Variants in ESPNL observed in about 807,000 individuals in gnomAD.
ESPNL encodes the protein espin-like protein.
In ESPNL, 49 loss-of-function variants were observed where a neutral mutation model predicts 46.8. The observed-to-expected ratio is 1.05, with a 90% CI of 0.83 to 1.33. ESPNL has a LOEUF of 1.33. Ranked by LOEUF, ESPNL falls within the 40% of genes most tolerant of loss-of-function variation. ESPNL has a pLI of 0.00. For missense variants in ESPNL, 1,540 were observed against 1,436.6 expected, an observed-to-expected ratio of 1.07 and a Z score of -1.16; for synonymous variants, 664 against 662.1, an observed-to-expected ratio of 1.00 and a Z score of -0.04.
Position 238,125,364 on chromosome 2 carries a change from CAGGGCCAGG to C in ESPNL, c.1083_1091del (p.Gly362_Gly364del). ...CTGGAGGATGGAAGAAGAGGAGGCC[CAGGGCCAGG>C]GAACCCCAGCCGTGAGTGCACAGCC... On this transcript the variant is annotated inframe_deletion, in exon 6 of 9. Transcript: ENST00000343063. 3 of 1,564,456 alleles carry C rather than the reference CAGGGCCAGG, an allele frequency of 1.9e-6. No individual in the cohort carries two copies. The highest frequency in any genetic ancestry group is 2.6e-6 in the Non-Finnish European group (3 of 1,155,342).
At chr2:238,109,124 T>C (rs7583208) in intron 4 of ESPNL, among the ~76,000 whole-genome samples, 60,527 of 152,074 alleles carry the variant, frequency 0.4, 14,439 homozygotes, top group East Asian at 0.67. Context: ...GGCATGTCCC[T>C]GACAGGTGGC....
chr2:238,113,223 T>C (rs1330313884), intron 4 of ESPNL, among the ~76,000 whole-genome samples: 1 of 152,258 alleles, frequency 6.6e-6, no homozygotes. Context: ...ATACTTTGCT[T>C]TCGGCCTTCT....
At chr2:238,129,584 T>C (rs1262293019) in intron 8 of ESPNL, among the ~76,000 whole-genome samples, 1 of 152,170 alleles carries the variant, frequency 6.6e-6, no homozygotes, top group Admixed American at 6.5e-5. Flanking sequence ...GTGATGTGCC[T>C]TGGATTTTAA....
At position 238,130,444 on chromosome 2, in the gene ESPNL, C is replaced by A. The variant is rs372170956; in HGVS notation, c.1730C>A (p.Ala577Glu). ...CCAGCGGCTGAGCCCGCAGGGTCTGCGGAGGCCTCAGAGGTGGCCCCCGGG... is the reference window on the plus strand; with the variant it reads ...CCAGCGGCTGAGCCCGCAGGGTCTGAGGAGGCCTCAGAGGTGGCCCCCGGG... ...SIPAAEPAGS[A>E]EASEVAPGVQ... The change falls in exon 9 of 9, where the codon GCG (alanine) becomes GAG (glutamate). Residue 577 changes from alanine to glutamate, a missense_variant. Coordinates refer to ENST00000343063, the MANE Select transcript of ESPNL (RefSeq NM_194312.4). 53 of 1,604,820 alleles carry A rather than the reference C, an allele frequency of 3.3e-5. No individual in the cohort carries two copies. The African/African-American group carries it at 5.7e-4, about 17-fold the overall frequency.
intron 4 of ESPNL, 78 bp downstream of exon 4, chr2:238,108,051 A>G (rs1691637629): frequency 3.7e-6 from 5 of 1,362,556 alleles, no homozygotes; most frequent in Non-Finnish European, 4.0e-6. Context: ...TGACCCTCAC[A>G]GCAACCCTGT....
chr2:238,119,436 G>GC lies in ESPNL; in HGVS notation c.987+2402_987+2403insC, dbSNP rs1559263985. Among the ~76,000 whole-genome samples, 12 of 141,284 alleles carry GC rather than the reference G, an allele frequency of 8.5e-5. 1 individual carries two copies. The highest frequency in any genetic ancestry group is 1.1e-4 in the African/African-American group (4 of 36,302). The allele number at this position is 141,284 out of a possible 152,430, so 92.7% of individuals were successfully genotyped here. ...GATGGAGGAGGGTAGATGGAGGAGG[G>GC]GAGGTGGAGGAGAGGAGGTTAGATG... On this transcript the variant is annotated intron_variant, in intron 5 of 8. Coordinates refer to ENST00000343063, the MANE Select transcript of ESPNL (RefSeq NM_194312.4).
rs530807076 is a variant in ESPNL at position 238,123,754 on chromosome 2, C to T, written c.988-1516C>T. On this transcript the variant is annotated intron_variant, in intron 5 of 8. Transcript: ENST00000343063. Reference sequence around the variant, plus strand: ...GAGGGCCTCCGGGGCTGGGGCTGGGCGGTTGCTCCCCAGCCCACCGCGCAC... The same window carrying T: ...GAGGGCCTCCGGGGCTGGGGCTGGGTGGTTGCTCCCCAGCCCACCGCGCAC... 1.2e-4 allele frequency among the ~76,000 whole-genome samples: 19 copies of T among 152,324 alleles called. No homozygotes were observed. The South Asian group carries it at 2.9e-3, about 23-fold the overall frequency.
At chr2:238,126,573 G>A (rs111072236) in intron 6 of ESPNL, among the ~76,000 whole-genome samples, 2 of 144,894 alleles carry the variant, frequency 1.4e-5, no homozygotes, top group East Asian at 4.2e-4. Flanking sequence ...GTGTTTGTGT[G>A]TGTCTGTGAT....
Position 238,128,731 on chromosome 2 carries a change from G to T in ESPNL, c.1240G>T (p.Asp414Tyr). 1.9e-6 allele frequency: 3 copies of T among 1,602,170 alleles called. No individual in the cohort carries two copies. The highest frequency in any genetic ancestry group is 2.6e-6 in the Non-Finnish European group (3 of 1,175,288). Reference protein sequence around the residue: ...PEGTETALAGDTSDGLAALQL... With the variant: ...PEGTETALAGYTSDGLAALQL... ...GGGGACAGAGACGGCGCTGGCGGGG[G>T]ACACCTCAGATGGCCTGGCCGCACT... Residue 414 changes from aspartate to tyrosine, a missense_variant, in exon 8 of 9, where the codon GAC becomes TAC. Physicochemically the swap from Asp to Tyr is radical, Grantham distance 160 (BLOSUM62 -3). Transcript: ENST00000343063.
rs1357483636 is a variant in ESPNL, at chr2:238,130,234, T to C, written c.1520T>C (p.Leu507Pro). The C allele has an allele frequency of 1.5e-5, 24 of 1,611,176 alleles. No individual in the cohort carries two copies. Among genetic ancestry groups the C allele is most frequent in the Admixed American group, 5.0e-5 (3 of 59,706 alleles). ...PFGELLTEDD[L>P]VYLEKQIADL... ...GGGGAGCTGCTGACAGAGGATGACCTGGTCTACCTGGAGAAGCAGATTGCA... is the reference window on the plus strand; with the variant it reads ...GGGGAGCTGCTGACAGAGGATGACCCGGTCTACCTGGAGAAGCAGATTGCA... Residue 507 changes from leucine (L) to proline (P), a missense_variant, in exon 9 of 9, where the codon CTG (leucine) becomes CCG (proline). Physicochemically the swap from Leu to Pro is moderately conservative, Grantham distance 98 (BLOSUM62 -3). Coordinates refer to ENST00000343063, the MANE Select transcript of ESPNL (RefSeq NM_194312.4).
At chr2:238,127,225 G>A (rs12471150) in intron 6 of ESPNL, among the ~76,000 whole-genome samples, 3 of 152,226 alleles carry the variant, frequency 2.0e-5, no homozygotes, top group Admixed American at 1.3e-4. Flanking sequence ...TGATGCAGAC[G>A]TGTTCTTCAC....
intron 5 of ESPNL, among the ~76,000 whole-genome samples, chr2:238,124,395 C>T (rs1365336005): frequency 6.6e-6 from 1 of 152,200 alleles, no homozygotes; most frequent in African/African-American, 2.4e-5. Flanking sequence ...ATTGGGGACC[C>T]CATCCTAGTC....
chr2:238,108,040 C>T lies in ESPNL; in HGVS notation c.855+67C>T, dbSNP rs1691637424. 3 of 1,433,194 alleles carry T rather than the reference C, an allele frequency of 2.1e-6. No individual in the cohort carries two copies. In the Admixed American group the frequency reaches 6.1e-5, roughly 29 times the overall value. 88.8% of individuals were successfully genotyped at this position (1,433,194 alleles called of 1,614,324 possible). The stretch of plus-strand genomic sequence containing the variant: ...GCCAGCCATGCCCAGTGCTGTGTCA[C>T]TGACCCTCACAGCAACCCTGTAAGA... On this transcript the variant is annotated intron_variant, in intron 4 of 8. Coordinates refer to ENST00000343063, the MANE Select transcript of ESPNL (RefSeq NM_194312.4).
intron 2 of ESPNL, among the ~76,000 whole-genome samples, chr2:238,102,647 G>A (rs776404004): frequency 1.3e-5 from 2 of 152,104 alleles, no homozygotes; most frequent in Non-Finnish European, 2.9e-5. Context: ...TGTGCCCCCT[G>A]CTGGAATTAG....
At chr2:238,120,077 C>CTGTTGGAA (rs71043107) in intron 5 of ESPNL, among the ~76,000 whole-genome samples, 27,011 of 152,104 alleles carry the variant, frequency 0.18, 2,548 homozygotes, top group East Asian at 0.24. Context: ...TTGGAAGTCA[C>CTGTTGGAA]GTATTTACTA....
chr2:238,103,466 TGC>T (rs1691529865), intron 2 of ESPNL, among the ~76,000 whole-genome samples: 1 of 151,800 alleles, frequency 6.6e-6, no homozygotes, highest in African/African-American at 2.4e-5. Flanking sequence ...CATGTTAATA[TGC>T]ACACACACAC....
chr2:238,129,979 T>C (rs1692248274), intron 8 of ESPNL, 149 bp from the exon 9 acceptor site: 9 of 875,724 alleles, frequency 1.0e-5, no homozygotes, highest in South Asian at 1.8e-5. Context: ...CAGGGGCTTC[T>C]GCCCTAGCTG....
intron 6 of ESPNL, among the ~76,000 whole-genome samples, chr2:238,125,623 C>T (rs1251943885): frequency 6.6e-6 from 1 of 152,232 alleles, no homozygotes; most frequent in East Asian, 1.9e-4. Flanking sequence ...GGGGTAAAAG[C>T]GGGGAGACGG....
chr2:238,123,087 G>A (rs1253474471), intron 5 of ESPNL, among the ~76,000 whole-genome samples: 3 of 152,216 alleles, frequency 2.0e-5, no homozygotes, highest in Non-Finnish European at 4.4e-5. Flanking sequence ...GGTCCCGATG[G>A]CAGCTGTGCC....
Sources: allele counts gnomAD v4.1 joint callset (sites outside exome capture counted in the v4.1 genomes callset), GRCh38; gene constraint gnomAD v4.1.1; transcripts MANE v1.5; gene names NCBI Gene and HGNC (gene_info 2026-07-23, HGNC 2026-07-21).